Variants in EIF4A2 observed in about 807,000 individuals in gnomAD.
EIF4A2 encodes the protein eukaryotic initiation factor 4A-II.
Under a neutral mutation model 50.6 loss-of-function variants are expected in EIF4A2, and 9 were observed. The observed-to-expected ratio is 0.18, with a 90% CI of 0.11 to 0.31. The LOEUF is 0.31. Ranked by LOEUF, EIF4A2 falls within the 10% of genes least tolerant of loss-of-function variation. The probability of loss-of-function intolerance (pLI) is 1.00; values close to 1 mark genes in which losing one functional copy is unlikely to be tolerated. For missense variants in EIF4A2, 182 were observed against 501.8 expected (o/e 0.36, Z 6.09); for synonymous variants, 215 against 164.4 (o/e 1.31, Z -2.35).
At chr3:186,785,834 T>G (rs747011178) in intron 4 of EIF4A2, 49 bp from the exon 5 acceptor site, 5 of 1,559,164 alleles carry the variant, frequency 3.2e-6, no homozygotes, top group Non-Finnish European at 4.4e-6. Flanking sequence ...TAAAAATTAG[T>G]CATTGATCCT....
chr3:186,784,711 C>T lies in EIF4A2; in HGVS notation c.208+15C>T, dbSNP rs367742026. The T allele has an allele frequency of 2.0e-5, 32 of 1,611,904 alleles. No homozygotes were observed. The Middle Eastern group carries it at 4.9e-4, about 25-fold the overall frequency. On this transcript the variant is annotated intron_variant, in intron 3 of 10. Transcript: ENST00000323963. ...CTGTATTAAAGGTAAAAGAAACTGGCATTTTTAGGAAATTGTTCTACATAG... is the reference window on the plus strand; with the variant it reads ...CTGTATTAAAGGTAAAAGAAACTGGTATTTTTAGGAAATTGTTCTACATAG...
intron 1 of EIF4A2, chr3:186,783,860 C>T (rs912861984): frequency 1.6e-6 from 1 of 624,244 alleles, no homozygotes; most frequent in Non-Finnish European, 2.8e-6. Context: ...TTTTTCCTCT[C>T]TAAGACATTA....
At chr3:186,788,426 T>C in intron 10 of EIF4A2, 2 of 1,243,420 alleles carry the variant, frequency 1.6e-6, no homozygotes, top group Non-Finnish European at 2.1e-6. Flanking sequence ...AGTCGGTATT[T>C]ATATTTGTTT....
intron 4 of EIF4A2, 142 bp from the exon 5 acceptor site, chr3:186,785,741 C>T (rs556802873): frequency 9.3e-7 from 1 of 1,079,526 alleles, no homozygotes; most frequent in South Asian, 2.0e-5. Flanking sequence ...GTTAGGTCGT[C>T]TGCATTTTAA....
rs1453978269 is a variant in EIF4A2, at chr3:186,785,332, A to G, written c.348+231A>G. The G allele has an allele frequency of 5.3e-6, 3 of 565,050 alleles. No individual in the cohort carries two copies. In the African/African-American group the frequency reaches 5.7e-5, roughly 11 times the overall value. 35.0% of individuals were successfully genotyped at this position (565,050 alleles called of 1,614,324 possible). On this transcript the variant is annotated intron_variant, in intron 4 of 10. Transcript: ENST00000323963. The stretch of plus-strand genomic sequence containing the variant: ...GAATCCGAAGCGCTCTCTTGGATGT[A>G]CTAGATCTGTCCCCATTTTTTAAGT...
Position 186,783,631 on chromosome 3 carries a change from T to G in EIF4A2, c.21T>G (p.Asp7Glu). Reference protein sequence around the residue: MSGGSADYNREHGGPEG... With the variant: MSGGSAEYNREHGGPEG... Reference sequence around the variant, plus strand: ...GGATCATGTCTGGTGGCTCCGCGGATTATAACAGGTATGCAGTCTGTTGGC... The same window carrying G: ...GGATCATGTCTGGTGGCTCCGCGGAGTATAACAGGTATGCAGTCTGTTGGC... Residue 7 changes from aspartate to glutamate, a missense_variant, in exon 1 of 11, where the codon GAT becomes GAG. Around this residue, in one of 7 missense-constraint regions of EIF4A2, gnomAD observed 43 missense variants for 22.2 expected, o/e 1.93. Coordinates refer to ENST00000323963, the MANE Select transcript of EIF4A2 (RefSeq NM_001967.4). 6.2e-7 allele frequency: 1 copy of G among 1,614,120 alleles called. No individual in the cohort carries two copies.
chr3:186,786,985 G>A, intron 7 of EIF4A2, 142 bp from the exon 8 acceptor site: 1 of 1,275,914 alleles, frequency 7.8e-7, no homozygotes, highest in Non-Finnish European at 1.1e-6. Context: ...CCCTGGTCTG[G>A]TTGGAACTCT....
chr3:186,786,383 C>G, intron 6 of EIF4A2, 110 bp downstream of exon 6: 2 of 1,523,686 alleles, frequency 1.3e-6, no homozygotes, highest in Non-Finnish European at 1.8e-6. Context: ...GCTTAAAGCA[C>G]TTGATGCATA....
At chr3:186,789,086 T>G (rs1348066062) in intron 10 of EIF4A2, 39 bp from the exon 11 acceptor site, 3 of 1,603,290 alleles carry the variant, frequency 1.9e-6, no homozygotes, top group Non-Finnish European at 2.6e-6. Flanking sequence ...GTTTATACAT[T>G]ATGTGAGAAG....
At position 186,789,641 on chromosome 3, in the gene EIF4A2, G is replaced by A. The variant is rs547919546; in HGVS notation, c.*372G>A. 3.0e-6 allele frequency: 1 copy of A among 336,940 alleles called. No homozygotes were observed. The highest frequency in any genetic ancestry group is 5.4e-6 in the Non-Finnish European group (1 of 184,554). The allele number at this position is 336,940 out of a possible 1,614,324, so 20.9% of individuals were successfully genotyped here. A position where few individuals can be genotyped will look rare whatever the true frequency, so the allele number is the denominator to read the frequency against. On this transcript the variant is annotated 3_prime_UTR_variant, in exon 11 of 11. Transcript: ENST00000323963. ...AAAATCAGCCAATTATGTTAAACTA[G>A]CATATCTGCCTTTATTGTGTTTGTC...
At chr3:186,783,824 G>A in intron 1 of EIF4A2, 185 bp downstream of exon 1, 3 of 932,118 alleles carry the variant, frequency 3.2e-6, no homozygotes, top group Non-Finnish European at 4.9e-6. Context: ...ATAGGACGGT[G>A]GTGCGAAAGC....
chr3:186,786,447 T>C, intron 6 of EIF4A2, 55 bp from the exon 7 acceptor site: 1 of 1,590,438 alleles, frequency 6.3e-7, no homozygotes, highest in Non-Finnish European at 8.6e-7. Context: ...TTCAGACATT[T>C]TCCTTTGGGT....
intron 4 of EIF4A2, 178 bp downstream of exon 4, chr3:186,785,279 T>G: frequency 1.2e-6 from 1 of 836,928 alleles, no homozygotes; most frequent in African/African-American, 1.7e-5. Context: ...GCAGGTATGG[T>G]TTGTAGGGTT....
intron 10 of EIF4A2, 144 bp from the exon 11 acceptor site, chr3:186,788,981 G>A: frequency 8.5e-7 from 1 of 1,174,982 alleles, no homozygotes; most frequent in Non-Finnish European, 1.2e-6. Flanking sequence ...CTCTAGATAT[G>A]CATTAGCAGC....
In EIF4A2 at chr3:186,789,780, C is replaced by T. The variant is rs1722006721; in HGVS notation, c.*511C>T. 3.5e-6 allele frequency: 2 copies of T among 564,370 alleles called. No homozygotes were observed. Among genetic ancestry groups the T allele is most frequent in the Non-Finnish European group, 6.3e-6 (2 of 319,408 alleles). 35.0% of individuals were successfully genotyped at this position (564,370 alleles called of 1,614,324 possible). On this transcript the variant is annotated 3_prime_UTR_variant, in exon 11 of 11. Transcript: ENST00000323963. ...TAATTAGTGCTAAGTGTGAACTGGA[C>T]CCTGTTGCTAAGCCCCAGCAAGCAA...
intron 1 of EIF4A2, 53 bp downstream of exon 1, chr3:186,783,692 G>A (rs985699829): frequency 1.2e-6 from 2 of 1,613,786 alleles, no homozygotes; most frequent in Non-Finnish European, 1.7e-6. Flanking sequence ...AGGGCGCCAG[G>A]GGAGATGATA....
chr3:186,789,604 T>C lies in EIF4A2; in HGVS notation c.*335T>C, dbSNP rs3917143. The C allele has an allele frequency of 0.017, 5,544 of 331,314 alleles. 62 individuals are homozygous for C. The highest frequency in any genetic ancestry group is 0.022 in the Non-Finnish European group (3,970 of 181,174). The allele number at this position is 331,314 out of a possible 1,614,324, so 20.5% of individuals were successfully genotyped here. On this transcript the variant is annotated 3_prime_UTR_variant, in exon 11 of 11. Coordinates refer to ENST00000323963, the MANE Select transcript of EIF4A2 (RefSeq NM_001967.4). ...TAATATACTTGTGGACTAAAAGATA[T>C]AAGTGCTGTATAAAATCAGCCAATT... is the stretch of plus-strand genomic sequence containing the variant.
At position 186,789,367 on chromosome 3, in the gene EIF4A2, T is replaced by C; in HGVS notation, c.*98T>C. ...TTTCTTTGGGAATATTTGAATCTTG[T>C]CTCAATGCTCATAACGGATCAGAAA... On this transcript the variant is annotated 3_prime_UTR_variant, in exon 11 of 11. Coordinates refer to ENST00000323963, the MANE Select transcript of EIF4A2 (RefSeq NM_001967.4). 6.8e-7 allele frequency: 1 copy of C among 1,479,592 alleles called. No homozygotes were observed. Among genetic ancestry groups the C allele is most frequent in the Non-Finnish European group, 9.1e-7 (1 of 1,101,880 alleles). The allele number at this position is 1,479,592 out of a possible 1,614,324, so 91.7% of individuals were successfully genotyped here.
At chr3:186,787,726 C>T (rs371752229) in intron 9 of EIF4A2, 77 bp from the exon 10 acceptor site, 623 of 1,593,074 alleles carry the variant, frequency 3.9e-4, no homozygotes, top group Non-Finnish European at 5.0e-4. Context: ...TAGTATAGTT[C>T]GCTACTATTT....
Sources: allele counts gnomAD v4.1 joint callset, GRCh38; gene constraint gnomAD v4.1.1; regional missense constraint gnomAD v4.1.1; transcripts MANE v1.5; gene names NCBI Gene and HGNC (gene_info 2026-07-23, HGNC 2026-07-21).